KCND2: variants seen among roughly 807,000 people sequenced by gnomAD.
KCND2 encodes the protein potassium voltage-gated channel subfamily D member 2.
KCND2 carries 16 observed loss-of-function variants against 54.4 expected under a neutral mutation model. That is an observed-to-expected ratio of 0.29 (90% CI 0.20 to 0.45). The LOEUF (loss-of-function observed/expected upper bound fraction) is 0.45. Among genes scored for constraint, KCND2 ranks in the 20% least tolerant of loss-of-function variants. The probability of loss-of-function intolerance (pLI) is 1.00; values close to 1 mark genes in which losing one functional copy is unlikely to be tolerated. For synonymous variants in KCND2, 317 were observed against 310.7 expected (o/e 1.02, Z -0.21); for missense variants, 486 against 824.2 (o/e 0.59, Z 5.02).
intron 1 of KCND2, among the ~76,000 whole-genome samples, chr7:120,394,732 C>T (rs1801128896): frequency 6.6e-6 from 1 of 151,880 alleles, no homozygotes. Flanking sequence ...GAGTAGTCAG[C>T]CTGTGAGACT....
intron 1 of KCND2, among the ~76,000 whole-genome samples, chr7:120,364,564 A>G (rs1038927327): frequency 8.5e-5 from 13 of 152,130 alleles, no homozygotes; most frequent in African/African-American, 1.9e-4. Flanking sequence ...AGGTTTTGCA[A>G]TGGGGGAGAG....
intron 1 of KCND2, among the ~76,000 whole-genome samples, chr7:120,555,145 T>C (rs1435407664): frequency 1.3e-5 from 2 of 152,196 alleles, no homozygotes; most frequent in African/African-American, 4.8e-5. Context: ...GTGCCTCATA[T>C]TCCCAGTGTC....
chr7:120,546,070 C>A (rs1271534472), intron 1 of KCND2, among the ~76,000 whole-genome samples: 1 of 151,822 alleles, frequency 6.6e-6, no homozygotes, highest in East Asian at 1.9e-4. Flanking sequence ...AAATAACATT[C>A]ACAATACATG....
chr7:120,484,581 T>C (rs1161039674), intron 1 of KCND2, among the ~76,000 whole-genome samples: 1 of 151,570 alleles, frequency 6.6e-6, no homozygotes, highest in East Asian at 1.9e-4. Context: ...GTCAAGGTTT[T>C]AATACTAAAA....
At chr7:120,433,513 C>T (rs1801822882) in intron 1 of KCND2, among the ~76,000 whole-genome samples, 1 of 152,160 alleles carries the variant, frequency 6.6e-6, no homozygotes, top group Non-Finnish European at 1.5e-5. Flanking sequence ...CATACAGACA[C>T]ATCTCACTGC....
chr7:120,474,998 G>A (rs7805931), intron 1 of KCND2, among the ~76,000 whole-genome samples: 18,627 of 152,092 alleles, frequency 0.12, 1,396 homozygotes, highest in African/African-American at 0.21. Flanking sequence ...ACAGCACCAC[G>A]CCTGGCTAAG....
intron 1 of KCND2, among the ~76,000 whole-genome samples, chr7:120,418,777 G>T (rs1287215216): frequency 1.3e-5 from 2 of 152,138 alleles, no homozygotes. Context: ...CTCTGAGAAT[G>T]CCATGTAGCC....
chr7:120,612,973 T>A (rs1275442635), intron 1 of KCND2, among the ~76,000 whole-genome samples: 1 of 152,136 alleles, frequency 6.6e-6, no homozygotes, highest in Non-Finnish European at 1.5e-5. Context: ...CCAAATGAAC[T>A]GCTCATTATA....
At chr7:120,615,286 C>T (rs1793009790) in intron 1 of KCND2, among the ~76,000 whole-genome samples, 1 of 152,130 alleles carries the variant, frequency 6.6e-6, no homozygotes, top group African/African-American at 2.4e-5. Flanking sequence ...CAGTCCTCTA[C>T]CAGAACCTGG....
intron 1 of KCND2, among the ~76,000 whole-genome samples, chr7:120,362,787 G>A (rs920327665): frequency 2.0e-5 from 3 of 151,992 alleles, no homozygotes; most frequent in Non-Finnish European, 2.9e-5. Context: ...TCTAGCATCC[G>A]TTCAACAATG....
chr7:120,646,610 G>A (rs1793445324), intron 1 of KCND2, among the ~76,000 whole-genome samples: 1 of 152,142 alleles, frequency 6.6e-6, no homozygotes. Flanking sequence ...TAGATGAATG[G>A]ACAAATGGCT....
intron 1 of KCND2, among the ~76,000 whole-genome samples, chr7:120,322,693 G>C (rs1424786202): frequency 6.6e-6 from 1 of 151,922 alleles, no homozygotes. Context: ...CCTGTTCTCT[G>C]GGTGTTAACT....
Position 120,692,526 on chromosome 7 carries a change from T to C in KCND2, c.1116-40377T>C, listed in dbSNP as rs373515005. ...CCCAAATTCCTCAACCTTGGCAGAC[T>C]GGGTGAATAAGAAAAAGAGGTTTCC... On this transcript the variant is annotated intron_variant, in intron 1 of 5. Transcript: ENST00000331113. Among the ~76,000 whole-genome samples, 123 of 152,306 alleles carry C rather than the reference T, an allele frequency of 8.1e-4. No homozygotes were observed. The Middle Eastern group carries it at 0.01, about 13-fold the overall frequency.
Position 120,274,569 on chromosome 7 carries a change from T to C in KCND2, c.-64T>C. The C allele has an allele frequency of 6.2e-7, 1 of 1,601,922 alleles. No individual in the cohort carries two copies. On this transcript the variant is annotated 5_prime_UTR_variant, in exon 1 of 6. Transcript: ENST00000331113. ...CTTGACTGGAGGAAGTGGGTGACTT[T>C]TGGCTGCTTCGGTGACCCATTGTAG...
intron 1 of KCND2, among the ~76,000 whole-genome samples, chr7:120,279,694 G>C (rs1334075829): frequency 1.3e-5 from 2 of 151,684 alleles, no homozygotes; most frequent in African/African-American, 4.8e-5. Context: ...ACTATTTTAA[G>C]GAACAACAAA....
At chr7:120,364,540 G>A (rs889934546) in intron 1 of KCND2, among the ~76,000 whole-genome samples, 1 of 152,116 alleles carries the variant, frequency 6.6e-6, no homozygotes, top group Admixed American at 6.6e-5. Context: ...AATGCAATAG[G>A]TATAGGGAAT....
At chr7:120,488,215 A>G (rs1255560030) in intron 1 of KCND2, among the ~76,000 whole-genome samples, 1 of 152,156 alleles carries the variant, frequency 6.6e-6, no homozygotes, top group African/African-American at 2.4e-5. Flanking sequence ...GTTATTCATT[A>G]TGAAAAAACC....
chr7:120,676,026 C>T lies in KCND2; in HGVS notation c.1116-56877C>T, dbSNP rs531482917. Among the ~76,000 whole-genome samples the T allele has an allele frequency of 5.3e-5, 8 of 151,988 alleles. No individual in the cohort carries two copies. The East Asian group carries it at 5.8e-4, about 11-fold the overall frequency. ...CTAATTTTTGCATTTTTAATAGAGACGAGGTTTGGCCATTTTGGCCAAGCT... is the reference window on the plus strand; with the variant it reads ...CTAATTTTTGCATTTTTAATAGAGATGAGGTTTGGCCATTTTGGCCAAGCT... On this transcript the variant is annotated intron_variant, in intron 1 of 5. Coordinates refer to ENST00000331113, the MANE Select transcript of KCND2 (RefSeq NM_012281.3).
Position 120,579,633 on chromosome 7 carries a change from TAAATAAATAAATA to T in KCND2, c.1116-153262_1116-153250del, listed in dbSNP as rs1370728132. Among the ~76,000 whole-genome samples, 549 of 137,186 alleles carry T rather than the reference TAAATAAATAAATA, an allele frequency of 4.0e-3. 3 individuals are homozygous for T. Among genetic ancestry groups the T allele is most frequent in the African/African-American group, 0.016 (503 of 30,518 alleles). The allele number at this position is 137,186 out of a possible 152,430, so 90.0% of individuals were successfully genotyped here. A position where few individuals can be genotyped will look rare whatever the true frequency, so the allele number is the denominator to read the frequency against. On this transcript the variant is annotated intron_variant, in intron 1 of 5. Transcript: ENST00000331113. ...ATAAATAAATAAATAAATAAATAAA[TAAATAAATAAATA>T]AAATAAAATAAATAAAAATTAAATT...
Sources: gnomAD v4.1 joint callset for allele counts (sites outside exome capture counted in the v4.1 genomes callset) on GRCh38, gnomAD v4.1.1 for gene constraint, MANE v1.5 for transcripts, NCBI Gene and HGNC (gene_info 2026-07-23, HGNC 2026-07-21) for gene names.